Variants in DCLK1 observed in about 807,000 individuals in gnomAD.
DCLK1 encodes the protein serine/threonine-protein kinase DCLK1.
A neutral mutation model predicts 86.2 loss-of-function variants in DCLK1; 16 were observed. The observed-to-expected ratio is 0.19, with a 90% CI of 0.13 to 0.28. The LOEUF is 0.28. Among genes scored for constraint, DCLK1 ranks in the 10% least tolerant of loss-of-function variants. The pLI, the probability that DCLK1 is intolerant of heterozygous loss-of-function variation, is 1.00. For missense variants in DCLK1, 590 were observed against 940.2 expected (o/e 0.63, Z 4.87); for synonymous variants, 369 against 370.5 (o/e 1.00, Z 0.05).
intron 3 of DCLK1, among the ~76,000 whole-genome samples, chr13:35,994,045 T>C (rs1283228045): frequency 6.6e-6 from 1 of 150,626 alleles, no homozygotes; most frequent in African/African-American, 2.5e-5. Context: ...CCTTTTGAGA[T>C]ACTGGAACCA....
intron 4 of DCLK1, among the ~76,000 whole-genome samples, chr13:35,908,281 T>G (rs1048826271): frequency 6.6e-6 from 1 of 152,142 alleles, no homozygotes; most frequent in Non-Finnish European, 1.5e-5. Flanking sequence ...AGGAAACAAG[T>G]CTCAGCCAAT....
intron 16 of DCLK1, among the ~76,000 whole-genome samples, chr13:35,784,905 G>T (rs962944403): frequency 1.3e-5 from 2 of 152,058 alleles, no homozygotes; most frequent in African/African-American, 4.8e-5. Context: ...GCTTCCAGGG[G>T]AACAGTTTTC....
intron 4 of DCLK1, among the ~76,000 whole-genome samples, chr13:35,877,090 C>T (rs1177643331): frequency 1.3e-5 from 2 of 152,200 alleles, no homozygotes; most frequent in East Asian, 3.8e-4. Context: ...TCCCTACATT[C>T]ATCTGAGGTG....
At chr13:35,974,772 T>C (rs1593783654) in intron 3 of DCLK1, among the ~76,000 whole-genome samples, 2 of 152,286 alleles carry the variant, frequency 1.3e-5, no homozygotes, top group Admixed American at 1.3e-4. Flanking sequence ...GGTATGTCTT[T>C]ATAGAAGTGT....
intron 3 of DCLK1, among the ~76,000 whole-genome samples, chr13:35,962,633 T>C (rs1204375916): frequency 6.6e-6 from 1 of 152,196 alleles, no homozygotes; most frequent in Non-Finnish European, 1.5e-5. Flanking sequence ...CACAGAAATA[T>C]ACAGAAATAA....
At chr13:35,914,332 A>AATATATATATATACATAT (rs1875245872) in intron 4 of DCLK1, among the ~76,000 whole-genome samples, 3 of 74,068 alleles carry the variant, frequency 4.1e-5, no homozygotes, top group Admixed American at 1.5e-4. Flanking sequence ...AAAAAAAAAA[A>AATATATATATATACATAT]ATATATATAT....
At chr13:35,927,486 T>C (rs966706020) in intron 4 of DCLK1, among the ~76,000 whole-genome samples, 8 of 152,350 alleles carry the variant, frequency 5.3e-5, no homozygotes, top group Admixed American at 3.9e-4. Context: ...GTTCATTGTT[T>C]TTGTTACACC....
chr13:36,128,067 T>A lies in DCLK1; in HGVS notation c.-19-1911A>T, dbSNP rs139404354. Among the ~76,000 whole-genome samples the A allele has an allele frequency of 4.2e-3, 635 of 152,284 alleles. 5 individuals are homozygous for A. Among genetic ancestry groups the A allele is most frequent in the African/African-American group, 0.014 (575 of 41,550 alleles). Reference sequence around the variant, plus strand: ...GTGAACACTCACCAATGCACCACTGTCTCCCCAACCTTTCTTTGGCCCTCA... The same window carrying A: ...GTGAACACTCACCAATGCACCACTGACTCCCCAACCTTTCTTTGGCCCTCA... On this transcript the variant is annotated intron_variant, in intron 1 of 16. Coordinates refer to ENST00000360631, the MANE Select transcript of DCLK1 (RefSeq NM_001330071.2).
At chr13:36,116,552 C>T (rs1456338294) in intron 2 of DCLK1, among the ~76,000 whole-genome samples, 2 of 152,048 alleles carry the variant, frequency 1.3e-5, no homozygotes, top group Non-Finnish European at 2.9e-5. Context: ...TTTTCATTGG[C>T]TAAGAGTAAA....
intron 2 of DCLK1, among the ~76,000 whole-genome samples, chr13:36,123,867 G>T (rs1189074559): frequency 6.6e-6 from 1 of 152,214 alleles, no homozygotes; most frequent in Non-Finnish European, 1.5e-5. Context: ...AGAAGATGGT[G>T]ACAAGCATGC....
At chr13:35,931,819 TTAC>T (rs1420009695) in intron 4 of DCLK1, among the ~76,000 whole-genome samples, 2 of 152,196 alleles carry the variant, frequency 1.3e-5, no homozygotes, top group African/African-American at 4.8e-5. Context: ...TCCTGAGCTG[TTAC>T]TACATTCATG....
intron 12 of DCLK1, among the ~76,000 whole-genome samples, 183 bp downstream of exon 12, chr13:35,810,652 G>T (rs530173721): frequency 6.6e-6 from 1 of 152,252 alleles, no homozygotes; most frequent in South Asian, 2.1e-4. Context: ...AAAACAGATT[G>T]GGAAAACAGA....
intron 4 of DCLK1, among the ~76,000 whole-genome samples, chr13:35,926,854 G>C (rs1876152864): frequency 6.6e-6 from 1 of 152,204 alleles, no homozygotes; most frequent in Non-Finnish European, 1.5e-5. Flanking sequence ...AGAAGGGCAG[G>C]AGTTGGTGGG....
intron 3 of DCLK1, among the ~76,000 whole-genome samples, chr13:36,053,878 A>G (rs1339146599): frequency 6.6e-6 from 1 of 152,094 alleles, no homozygotes; most frequent in East Asian, 1.9e-4. Flanking sequence ...AATGAAAAGC[A>G]CACACTGAGG....
intron 7 of DCLK1, among the ~76,000 whole-genome samples, chr13:35,837,075 C>T (rs562473608): frequency 1.3e-4 from 19 of 150,808 alleles, no homozygotes; most frequent in South Asian, 8.3e-4. Flanking sequence ...ACTCCTCTTC[C>T]GACCTTTCGT....
chr13:35,965,208 G>T (rs2153138068), intron 3 of DCLK1, among the ~76,000 whole-genome samples: 1 of 152,254 alleles, frequency 6.6e-6, no homozygotes, highest in Middle Eastern at 3.4e-3. Context: ...AATAATTTTA[G>T]AAATAAGTAC....
At chr13:35,975,600 G>A (rs536750913) in intron 3 of DCLK1, among the ~76,000 whole-genome samples, 19 of 141,346 alleles carry the variant, frequency 1.3e-4, no homozygotes, top group African/African-American at 2.4e-4. Context: ...TGTATAAAAC[G>A]GCTCAGAAAC....
chr13:35,811,952 T>TA (rs1353604889), intron 11 of DCLK1, among the ~76,000 whole-genome samples: 10 of 152,226 alleles, frequency 6.6e-5, no homozygotes, highest in Non-Finnish European at 1.3e-4. Context: ...ATGATCTATT[T>TA]ACATTTCTTA....
Position 35,770,611 on chromosome 13 carries a change from T to G in DCLK1, c.*3924A>C, listed in dbSNP as rs532897828. 1 of 151,820 alleles carries G rather than the reference T, an allele frequency of 6.6e-6. No homozygotes were observed. Among genetic ancestry groups the G allele is most frequent in the East Asian group, 2.0e-4 (1 of 5,038 alleles). The allele number at this position is 151,820 out of a possible 1,614,324, so 9.4% of individuals were successfully genotyped here. On this transcript the variant is annotated 3_prime_UTR_variant, in exon 17 of 17. Transcript: ENST00000360631. ...CTGACCAACTTCAAGTCTTTTAAAATCTTTGGGCAAAAAAAAATATCATGT... is the reference window on the plus strand; with the variant it reads ...CTGACCAACTTCAAGTCTTTTAAAAGCTTTGGGCAAAAAAAAATATCATGT...
Sources: allele counts gnomAD v4.1 joint callset (sites outside exome capture counted in the v4.1 genomes callset), GRCh38; gene constraint gnomAD v4.1.1; transcripts MANE v1.5; gene names NCBI Gene and HGNC (gene_info 2026-07-23, HGNC 2026-07-21).